The following ZC3H3 variants were observed in gnomAD, a reference collection of about 807,000 sequenced individuals.
ZC3H3 encodes the protein zinc finger CCCH domain-containing protein 3.
ZC3H3 carries 36 observed loss-of-function variants against 77.3 expected under a neutral mutation model. The ratio of observed to expected loss-of-function variants is 0.47; its 90% confidence interval spans 0.36 to 0.61. The LOEUF is 0.61. Ranked by LOEUF, ZC3H3 falls within the 20% of genes least tolerant of loss-of-function variation. The pLI is 0.00. For missense variants in ZC3H3, 1,331 were observed against 1,312.2 expected, an observed-to-expected ratio of 1.01 and a Z score of -0.22; for synonymous variants, 626 against 555.2, an observed-to-expected ratio of 1.13 and a Z score of -1.79.
intron 1 of ZC3H3, among the ~76,000 whole-genome samples, chr8:143,540,063 A>G (rs1822958861): frequency 6.6e-6 from 1 of 152,348 alleles, no homozygotes; most frequent in East Asian, 1.9e-4. Context: ...CCACGTCCAG[A>G]CGTGTTGACG....
intron 9 of ZC3H3, among the ~76,000 whole-genome samples, chr8:143,451,332 A>AAGAC (rs1385234033): frequency 6.6e-6 from 1 of 152,222 alleles, no homozygotes; most frequent in East Asian, 1.9e-4. Context: ...AAAGGGCAAT[A>AAGAC]AGACAGACAT....
At chr8:143,495,264 C>A (rs1821315351) in intron 4 of ZC3H3, among the ~76,000 whole-genome samples, 1 of 152,226 alleles carries the variant, frequency 6.6e-6, no homozygotes, top group South Asian at 2.1e-4. Context: ...TGACACGAGC[C>A]TGAATCAGAT....
chr8:143,541,314 G>C, intron 1 of ZC3H3, 62 bp downstream of exon 1: 1 of 1,599,194 alleles, frequency 6.3e-7, no homozygotes, highest in Non-Finnish European at 8.5e-7. Flanking sequence ...AGGGGGCAGG[G>C]GACCCGCCGC....
intron 3 of ZC3H3, among the ~76,000 whole-genome samples, chr8:143,519,513 C>A (rs1822172280): frequency 6.6e-6 from 1 of 152,138 alleles, no homozygotes; most frequent in Admixed American, 6.5e-5. Context: ...GAGCACCCCA[C>A]ATCACAGCCG....
In ZC3H3 at chr8:143,468,551, GGA is replaced by G. The variant is rs758423619; in HGVS notation, c.1947-13_1947-12del. On this transcript the variant is annotated splice_polypyrimidine_tract_variant and intron_variant, in intron 6 of 11. Transcript: ENST00000262577. ...CGCTGCACTGCCCGGCTGCAGACGG[GGA>G]GAGAGGTGCGTGAGCCTGAGGGCGA... 6.2e-7 allele frequency: 1 copy of G among 1,605,312 alleles called. No individual in the cohort carries two copies. The highest frequency in any genetic ancestry group is 8.5e-7 in the Non-Finnish European group (1 of 1,176,634).
chr8:143,509,986 G>T (rs1196084627), intron 3 of ZC3H3, among the ~76,000 whole-genome samples: 1 of 152,204 alleles, frequency 6.6e-6, no homozygotes, highest in Non-Finnish European at 1.5e-5. Context: ...CACAGGACTG[G>T]ACTCTGCATT....
chr8:143,532,866 G>GCTC (rs1470082699), intron 3 of ZC3H3, among the ~76,000 whole-genome samples: 2 of 152,138 alleles, frequency 1.3e-5, no homozygotes, highest in African/African-American at 4.8e-5. Flanking sequence ...CCTGCGGCCA[G>GCTC]CTTGGAGTCT....
At position 143,465,717 on chromosome 8, in the gene ZC3H3, C is replaced by G. The variant is rs1820390587; in HGVS notation, c.2307G>C (p.Lys769Asn). 1 of 1,613,766 alleles carries G rather than the reference C, an allele frequency of 6.2e-7. No individual in the cohort carries two copies. The change falls in exon 9 of 12, where the codon AAG becomes AAC. Residue 769 changes from lysine to asparagine, a missense_variant and splice_region_variant. Coordinates refer to ENST00000262577, the MANE Select transcript of ZC3H3 (RefSeq NM_015117.3). Reference protein sequence around the residue: ...FLKGYCPLGAKCKKKHTLLCP... With the variant: ...FLKGYCPLGANCKKKHTLLCP... ...ACTCGGGCCCCCACAGACCACTCAC[C>G]TTTGCACCCAGGGGGCAGTAGCCTT...
chr8:143,459,785 A>G (rs927751863), intron 9 of ZC3H3, among the ~76,000 whole-genome samples: 4 of 152,086 alleles, frequency 2.6e-5, no homozygotes, highest in Non-Finnish European at 4.4e-5. Context: ...AAAACCAAAA[A>G]CCTAATAAAT....
chr8:143,516,579 A>ACTCT (rs1303477906), intron 3 of ZC3H3, among the ~76,000 whole-genome samples: 23 of 145,568 alleles, frequency 1.6e-4, no homozygotes, highest in African/African-American at 5.8e-4. Flanking sequence ...ACACACACAC[A>ACTCT]CTCACTCTCA....
chr8:143,456,356 G>C (rs974058286), intron 9 of ZC3H3, among the ~76,000 whole-genome samples: 2 of 151,904 alleles, frequency 1.3e-5, no homozygotes, highest in African/African-American at 4.9e-5. Flanking sequence ...CTAAAAGACA[G>C]AGATTGGCAG....
At chr8:143,454,123 C>A (rs1470408523) in intron 9 of ZC3H3, among the ~76,000 whole-genome samples, 1 of 150,292 alleles carries the variant, frequency 6.7e-6, no homozygotes, top group Non-Finnish European at 1.5e-5. Flanking sequence ...TCTTGTTGCC[C>A]AGGGCTGGAG....
intron 4 of ZC3H3, among the ~76,000 whole-genome samples, chr8:143,501,269 T>C (rs578159289): frequency 6.6e-6 from 1 of 152,154 alleles, no homozygotes; most frequent in African/African-American, 2.4e-5. Context: ...GGCATGATCA[T>C]GGCTCACTGC....
intron 3 of ZC3H3, among the ~76,000 whole-genome samples, chr8:143,535,342 G>A (rs957221806): frequency 6.6e-6 from 1 of 152,130 alleles, no homozygotes; most frequent in Non-Finnish European, 1.5e-5. Flanking sequence ...CCCAGCCTTG[G>A]CTAGATTTCT....
At chr8:143,522,718 A>G (rs1343737090) in intron 3 of ZC3H3, among the ~76,000 whole-genome samples, 1 of 152,214 alleles carries the variant, frequency 6.6e-6, no homozygotes, top group East Asian at 1.9e-4. Flanking sequence ...CAGGAATCGG[A>G]GACCAGCTTG....
intron 9 of ZC3H3, among the ~76,000 whole-genome samples, chr8:143,463,432 G>A (rs1037495666): frequency 9.2e-5 from 14 of 152,214 alleles, no homozygotes; most frequent in Non-Finnish European, 1.2e-4. Context: ...TGGCAGGGCA[G>A]CATATTAAAA....
At chr8:143,506,016 C>G (rs938539675) in intron 4 of ZC3H3, among the ~76,000 whole-genome samples, 1 of 152,214 alleles carries the variant, frequency 6.6e-6, no homozygotes, top group African/African-American at 2.4e-5. Context: ...AGCCACATGG[C>G]GCCGACAGGA....
intron 5 of ZC3H3, among the ~76,000 whole-genome samples, chr8:143,472,781 T>A (rs993841329): frequency 6.6e-6 from 1 of 152,184 alleles, no homozygotes; most frequent in African/African-American, 2.4e-5. Flanking sequence ...AGCCCCTCCG[T>A]GGGTCCCGCG....
chr8:143,520,640 C>T (rs1822212502), intron 3 of ZC3H3, among the ~76,000 whole-genome samples: 1 of 152,232 alleles, frequency 6.6e-6, no homozygotes, highest in African/African-American at 2.4e-5. Context: ...AGGCAGAGCC[C>T]AGGCTGAGCC....
Sources: gnomAD v4.1 joint callset for allele counts (sites outside exome capture counted in the v4.1 genomes callset) on GRCh38, gnomAD v4.1.1 for gene constraint, MANE v1.5 for transcripts, NCBI Gene and HGNC (gene_info 2026-07-23, HGNC 2026-07-21) for gene names.